Variants in PDE4B observed in about 807,000 individuals in gnomAD.
PDE4B encodes the protein phosphodiesterase 4B.
In PDE4B, 20 loss-of-function variants were observed where a neutral mutation model predicts 82.2. That is an observed-to-expected ratio of 0.24 (90% CI 0.17 to 0.35). The LOEUF (loss-of-function observed/expected upper bound fraction) is 0.35, where lower values mean the gene tolerates loss of function less well. Among genes scored for constraint, PDE4B ranks in the 10% least tolerant of loss-of-function variants. The pLI, the probability that PDE4B is intolerant of heterozygous loss-of-function variation, is 1.00. For synonymous variants in PDE4B, 320 were observed against 318.9 expected, an observed-to-expected ratio of 1.00 and a Z score of -0.04; for missense variants, 655 against 907.2, an observed-to-expected ratio of 0.72 and a Z score of 3.57.
At chr1:66,316,497 G>A (rs931915367) in intron 7 of PDE4B, among the ~76,000 whole-genome samples, 1 of 152,186 alleles carries the variant, frequency 6.6e-6, no homozygotes, top group African/African-American at 2.4e-5. Flanking sequence ...TATGTGTGAA[G>A]CTGGCAACAA....
intron 1 of PDE4B, among the ~76,000 whole-genome samples, chr1:65,866,709 C>T (rs1485597720): frequency 6.6e-6 from 1 of 152,166 alleles, no homozygotes; most frequent in African/African-American, 2.4e-5. Flanking sequence ...TGTTATACCT[C>T]TCTATAGAAA....
chr1:66,083,647 C>T (rs974254192), intron 3 of PDE4B, among the ~76,000 whole-genome samples: 4 of 152,198 alleles, frequency 2.6e-5, no homozygotes, highest in African/African-American at 7.2e-5. Context: ...CATTCCATGC[C>T]GCTCATTTGA....
intron 7 of PDE4B, among the ~76,000 whole-genome samples, chr1:66,272,127 C>T (rs141627567): frequency 4.6e-5 from 7 of 152,350 alleles, no homozygotes; most frequent in African/African-American, 1.7e-4. Context: ...CAAACCCTAG[C>T]TGCTGCCTGC....
At chr1:66,024,099 C>CTCAAGACTG (rs1653300599) in intron 3 of PDE4B, among the ~76,000 whole-genome samples, 2 of 152,092 alleles carry the variant, frequency 1.3e-5, no homozygotes, top group Non-Finnish European at 2.9e-5. Flanking sequence ...CTTTGGTGTT[C>CTCAAGACTG]TCCATTCTGA....
intron 1 of PDE4B, among the ~76,000 whole-genome samples, chr1:65,889,659 C>T (rs1022335258): frequency 6.6e-6 from 1 of 152,130 alleles, no homozygotes; most frequent in Non-Finnish European, 1.5e-5. Flanking sequence ...CAACATCTGT[C>T]TGAGAGTTGG....
intron 3 of PDE4B, among the ~76,000 whole-genome samples, chr1:65,956,753 T>C (rs1025195889): frequency 2.0e-5 from 3 of 152,140 alleles, no homozygotes; most frequent in African/African-American, 7.2e-5. Context: ...GTCTTGCACA[T>C]ATGTACCCGG....
intron 1 of PDE4B, among the ~76,000 whole-genome samples, chr1:65,832,390 T>C (rs1646093025): frequency 6.6e-6 from 1 of 152,222 alleles, no homozygotes; most frequent in African/African-American, 2.4e-5. Context: ...GGCATCTAGG[T>C]AACTTGGTCG....
chr1:66,016,186 C>T (rs556281046), intron 3 of PDE4B, among the ~76,000 whole-genome samples: 1 of 152,184 alleles, frequency 6.6e-6, no homozygotes, highest in Admixed American at 6.5e-5. Flanking sequence ...GAGTTAATAC[C>T]TTTAAAGCAG....
chr1:66,078,201 C>CTT (rs1036654450), intron 3 of PDE4B, among the ~76,000 whole-genome samples: 2 of 139,936 alleles, frequency 1.4e-5, no homozygotes, highest in African/African-American at 5.3e-5. Context: ...TTCTTTCTTT[C>CTT]TTTTTTTTTT....
At chr1:66,061,067 G>C (rs953426150) in intron 3 of PDE4B, among the ~76,000 whole-genome samples, 3 of 151,570 alleles carry the variant, frequency 2.0e-5, no homozygotes, top group Admixed American at 1.3e-4. Flanking sequence ...CTTTTTCAGG[G>C]AATCTCTAGA....
At chr1:66,354,547 A>G in intron 8 of PDE4B, 2 of 1,181,458 alleles carry the variant, frequency 1.7e-6, no homozygotes, top group South Asian at 2.6e-5. Flanking sequence ...AAGTGCTTCA[A>G]ACCAGCCAGC....
chr1:66,172,439 C>T (rs1461733262), intron 3 of PDE4B, among the ~76,000 whole-genome samples: 1 of 152,092 alleles, frequency 6.6e-6, no homozygotes, highest in African/African-American at 2.4e-5. Context: ...TTTGGTAGAA[C>T]AATTTATTTT....
chr1:66,165,595 TA>T (rs1300569421), intron 3 of PDE4B, among the ~76,000 whole-genome samples: 3 of 152,042 alleles, frequency 2.0e-5, no homozygotes, highest in African/African-American at 7.2e-5. Flanking sequence ...TAATTCTATA[TA>T]ATAGCAATGA....
intron 3 of PDE4B, among the ~76,000 whole-genome samples, chr1:65,971,420 G>A (rs1650131951): frequency 2.0e-5 from 3 of 152,096 alleles, no homozygotes; most frequent in Admixed American, 2.0e-4. Flanking sequence ...TCTCTGCTAT[G>A]AACATCTATG....
chr1:65,836,415 T>G (rs1472465445), intron 1 of PDE4B, among the ~76,000 whole-genome samples: 1 of 152,188 alleles, frequency 6.6e-6, no homozygotes, highest in Non-Finnish European at 1.5e-5. Context: ...TGATTACATG[T>G]GATGGTTGGG....
intron 9 of PDE4B, among the ~76,000 whole-genome samples, chr1:66,358,322 C>G (rs1662432862): frequency 6.6e-6 from 1 of 152,136 alleles, no homozygotes; most frequent in Admixed American, 6.6e-5. Flanking sequence ...TTAACTGATA[C>G]ATATATCATT....
At chr1:66,321,896 G>A (rs979655483) in intron 7 of PDE4B, among the ~76,000 whole-genome samples, 2 of 144,352 alleles carry the variant, frequency 1.4e-5, no homozygotes, top group Non-Finnish European at 3.0e-5. Context: ...CAAAGCTGGA[G>A]GCGTTATGCT....
chr1:66,081,535 T>G (rs938754908), intron 3 of PDE4B, among the ~76,000 whole-genome samples: 1 of 152,140 alleles, frequency 6.6e-6, no homozygotes, highest in Admixed American at 6.6e-5. Flanking sequence ...TACTAATTTC[T>G]CAAGTAGAAT....
chr1:66,029,678 TATA>T (rs1653654932), intron 3 of PDE4B, among the ~76,000 whole-genome samples: 1 of 152,180 alleles, frequency 6.6e-6, no homozygotes. Flanking sequence ...CATATGTTAC[TATA>T]ATAATAAGCA....
Sources: gnomAD v4.1 joint callset for allele counts (sites outside exome capture counted in the v4.1 genomes callset) on GRCh38, gnomAD v4.1.1 for gene constraint, MANE v1.5 for transcripts, NCBI Gene and HGNC (gene_info 2026-07-23, HGNC 2026-07-21) for gene names.